The following FAM200B variants were observed in gnomAD, a reference collection of about 807,000 sequenced individuals.
FAM200B encodes the protein protein FAM200B.
FAM200B carries 32 observed loss-of-function variants against 33.1 expected under a neutral mutation model. The ratio of observed to expected loss-of-function variants is 0.97; its 90% CI spans 0.73 to 1.30. The LOEUF (loss-of-function observed/expected upper bound fraction) is 1.30. Ranked by LOEUF, FAM200B falls within the 50% of genes most tolerant of loss-of-function variation. The pLI is 0.00. For synonymous variants in FAM200B, 240 were observed against 264.8 expected (o/e 0.91, Z 0.91); for missense variants, 741 against 754.0 (o/e 0.98, Z 0.20).
At chr4:15,655,415 G>C in the FAM200B span, 1 of 1,003,896 alleles carries the variant, frequency 1.0e-6, no homozygotes, top group African/African-American at 1.8e-5. Context: ...CGCCCGGTCG[G>C]CTTGGCCGGC....
the FAM200B span, chr4:15,656,150 A>C: frequency 1.3e-5 from 6 of 455,676 alleles, no homozygotes; most frequent in South Asian, 9.3e-5. Flanking sequence ...TGAATAATGG[A>C]AGGTTGGTGC....
chr4:15,672,064 T>C, the FAM200B span, among the ~76,000 whole-genome samples: 2 of 152,246 alleles, frequency 1.3e-5, no homozygotes, highest in South Asian at 4.1e-4. Flanking sequence ...TGGATGTTTT[T>C]GTATCCCTAT....
the FAM200B span, among the ~76,000 whole-genome samples, chr4:15,651,279 T>C: frequency 6.6e-6 from 1 of 152,254 alleles, no homozygotes; most frequent in Admixed American, 6.5e-5. Flanking sequence ...AGTAAGGTAA[T>C]GCAAAACCCA....
chr4:15,677,241 C>T (rs917244226), upstream of FAM200B, among the ~76,000 whole-genome samples: 9 of 152,060 alleles, frequency 5.9e-5, no homozygotes, highest in Admixed American at 2.0e-4. Flanking sequence ...TATATATGTT[C>T]GTCTTATTAC....
the FAM200B span, among the ~76,000 whole-genome samples, chr4:15,645,515 C>T: frequency 2.6e-5 from 4 of 152,094 alleles, no homozygotes; most frequent in Non-Finnish European, 5.9e-5. Context: ...GCAGACTCTG[C>T]CTCCTGGGTT....
In FAM200B at chr4:15,688,722, CATTTTGG is replaced by C; in HGVS notation, c.1748_1754del (p.Phe583Ter). 6.4e-7 allele frequency: 1 copy of C among 1,550,418 alleles called. No individual in the cohort carries two copies. Among genetic ancestry groups the C allele is most frequent in the Non-Finnish European group, 8.7e-7 (1 of 1,146,042 alleles). The stretch of plus-strand genomic sequence containing the variant: ...GATTATGAAACCTTAAGTTTATCAG[CATTTTGG>C]ATGAAGGTAAAGGAAGACTTTCCAT... On this transcript the variant is annotated frameshift_variant, in exon 2 of 2. Transcript: ENST00000422728. LOFTEE classifies it high-confidence loss of function.
Position 15,689,904 on chromosome 4 carries a change from T to G in FAM200B, c.*953T>G, listed in dbSNP as rs1462964252. ...TTGTAATAATTTTGATTACTGATTG[T>G]CATTCTGCCACCCTGGAGTATATAA... On this transcript the variant is annotated 3_prime_UTR_variant, in exon 2 of 2. Transcript: ENST00000422728. 6.0e-6 allele frequency: 1 copy of G among 167,132 alleles called. No homozygotes were observed. Among genetic ancestry groups the G allele is most frequent in the Non-Finnish European group, 1.5e-5 (1 of 68,120 alleles). 10.4% of individuals were successfully genotyped at this position (167,132 alleles called of 1,614,324 possible).
At chr4:15,640,014 T>G in the FAM200B span, among the ~76,000 whole-genome samples, 1 of 152,110 alleles carries the variant, frequency 6.6e-6, no homozygotes, top group Non-Finnish European at 1.5e-5. Context: ...CCCTAATACA[T>G]GTACAGTAGG....
chr4:15,654,027 G>A, the FAM200B span, among the ~76,000 whole-genome samples: 1 of 152,182 alleles, frequency 6.6e-6, no homozygotes, highest in Non-Finnish European at 1.5e-5. Flanking sequence ...ATGGAGGGAG[G>A]GAGAAGATGG....
the FAM200B span, among the ~76,000 whole-genome samples, chr4:15,657,736 T>C: frequency 1.3e-5 from 2 of 152,242 alleles, no homozygotes; most frequent in Admixed American, 6.5e-5. Flanking sequence ...TCACCTGATA[T>C]ATCCAAAATA....
At chr4:15,640,690 G>C in the FAM200B span, 1 of 582,150 alleles carries the variant, frequency 1.7e-6, no homozygotes, top group Non-Finnish European at 3.0e-6. Flanking sequence ...CCATCAACCA[G>C]ATACATCTTC....
chr4:15,679,099 T>C (rs1718101356), upstream of FAM200B, among the ~76,000 whole-genome samples: 4 of 141,448 alleles, frequency 2.8e-5, no homozygotes, highest in Admixed American at 3.0e-4. Flanking sequence ...GGAGTCTCAC[T>C]CTCACCAGGC....
the FAM200B span, chr4:15,655,317 C>T: frequency 9.6e-6 from 13 of 1,361,246 alleles, no homozygotes; most frequent in Admixed American, 2.4e-5. Flanking sequence ...GCCTCAGCAG[C>T]CGCGGCCGCC....
At chr4:15,645,324 T>C in the FAM200B span, among the ~76,000 whole-genome samples, 2 of 152,220 alleles carry the variant, frequency 1.3e-5, no homozygotes, top group East Asian at 1.9e-4. Flanking sequence ...GTGCGGATTA[T>C]GCATTTTAAG....
At chr4:15,684,117 C>T (rs574204864) in intron 1 of FAM200B, among the ~76,000 whole-genome samples, 87 of 152,288 alleles carry the variant, frequency 5.7e-4, no homozygotes, top group African/African-American at 2.0e-3. Flanking sequence ...CATGTAGCCG[C>T]AGGAGCCAAT....
At chr4:15,655,171 C>G in the FAM200B span, 1 of 1,355,640 alleles carries the variant, frequency 7.4e-7, no homozygotes, top group East Asian at 3.5e-5. Context: ...GCCGCCCGCA[C>G]CGCCCACAGC....
the FAM200B span, among the ~76,000 whole-genome samples, chr4:15,673,509 A>G: frequency 4.6e-5 from 7 of 152,208 alleles, no homozygotes; most frequent in Non-Finnish European, 7.3e-5. Context: ...CCACAGACAC[A>G]TAAGACATCA....
chr4:15,655,272 C>T, the FAM200B span: 1 of 1,433,724 alleles, frequency 7.0e-7, no homozygotes, highest in Non-Finnish European at 9.3e-7. Flanking sequence ...TCCACTTCTT[C>T]AGGAAAGGGC....
At chr4:15,641,690 G>A in the FAM200B span, 134 of 445,980 alleles carry the variant, frequency 3.0e-4, no homozygotes, top group Non-Finnish European at 5.1e-4. Context: ...ACAGGGTGTT[G>A]GCAACCCTAA....
Sources: allele counts gnomAD v4.1 joint callset (sites outside exome capture counted in the v4.1 genomes callset), GRCh38; gene constraint gnomAD v4.1.1; transcripts MANE v1.5; gene names NCBI Gene and HGNC (gene_info 2026-07-23, HGNC 2026-07-21).